The following FHIP1B variants were observed in gnomAD, a reference collection of about 807,000 sequenced individuals.
FHIP1B encodes the protein FHF complex subunit HOOK-interacting protein 1B.
Under a neutral mutation model 82.2 loss-of-function variants are expected in FHIP1B, and 28 were observed. That is an observed-to-expected ratio of 0.34 (90% CI 0.25 to 0.47). The LOEUF (loss-of-function observed/expected upper bound fraction) is 0.47. Ranked by LOEUF, FHIP1B falls within the 20% of genes least tolerant of loss-of-function variation. FHIP1B has a pLI of 1.00. For missense variants in FHIP1B, 1,110 were observed against 1,262.6 expected, an observed-to-expected ratio of 0.88 and a Z score of 1.83; for synonymous variants, 585 against 516.1, an observed-to-expected ratio of 1.13 and a Z score of -1.81.
chr11:6,223,577 C>T lies in FHIP1B; in HGVS notation c.777+33G>A. 6.5e-7 allele frequency: 1 copy of T among 1,550,212 alleles called. No homozygotes were observed. Among genetic ancestry groups the T allele is most frequent in the Non-Finnish European group, 8.7e-7 (1 of 1,148,918 alleles). On this transcript the variant is annotated intron_variant, in intron 3 of 11. Coordinates refer to ENST00000449352, the MANE Select transcript of FHIP1B (RefSeq NM_001098794.2). The surrounding 1 kb of genome is among the most constrained non-coding windows in gnomAD (Gnocchi z 4.8). The stretch of plus-strand genomic sequence containing the variant: ...AAGGTGCTGTTCAGTATCTACACAC[C>T]ACACCCTACCCTCCAAGCCAGGGGG...
intron 2 of FHIP1B, 56 bp downstream of exon 2, chr11:6,224,323 G>A (rs1316158977): frequency 2.4e-5 from 38 of 1,614,058 alleles, no homozygotes; most frequent in Non-Finnish European, 3.1e-5. Context: ...GAATATAGAA[G>A]GCTGGGAGAA....
At chr11:6,218,862 C>T in intron 7 of FHIP1B, 99 bp from the exon 8 acceptor site, 1 of 1,569,046 alleles carries the variant, frequency 6.4e-7, no homozygotes, top group Non-Finnish European at 8.8e-7. Context: ...TTAAGCCAGG[C>T]TCCAAGTGGA....
rs749535032 is a variant in FHIP1B, at chr11:6,218,650, C to T, written c.1385G>A (p.Arg462Gln). 2.9e-5 allele frequency: 46 copies of T among 1,613,978 alleles called. No individual in the cohort carries two copies. Among genetic ancestry groups the T allele is most frequent in the Non-Finnish European group, 3.7e-5 (44 of 1,180,024 alleles). The change falls in exon 8 of 12, where the codon CGG (arginine) becomes CAG (glutamine). Residue 462 changes from arginine to glutamine, a missense_variant. This residue lies in a region of FHIP1B where 418 missense variants were observed against 371.4 expected (regional missense o/e 1.13). Transcript: ENST00000449352. ...ACGAGGTGGGCTGGGGGCGTGGTGC[C>T]GACAACAGCGTGGGATTAGGGAGAG... ...KFLSLIPRCCRHHAPSPPRPE... is the reference protein window; with the variant it reads ...KFLSLIPRCCQHHAPSPPRPE...
chr11:6,212,837 T>C (rs1458443177), intron 11 of FHIP1B, among the ~76,000 whole-genome samples: 1 of 152,210 alleles, frequency 6.6e-6, no homozygotes, highest in Middle Eastern at 3.2e-3. Context: ...ACATCTATCA[T>C]CTTGGAACCC....
Position 6,224,450 on chromosome 11 carries a change from C to T in FHIP1B, c.67G>A (p.Ala23Thr), listed in dbSNP as rs199549976. The T allele has an allele frequency of 2.5e-6, 4 of 1,614,000 alleles. No homozygotes were observed. Among genetic ancestry groups the T allele is most frequent in the East Asian group, 4.5e-5 (2 of 44,854 alleles). ...RGPGHRIPQG[A>T]NLQTPVMADP... ...GCCATGACTGGGGTTTGGAGATTGG[C>T]CCCTTGAGGTATACGGTGCCCAGGG... The change falls in exon 2 of 12, where the codon GCC (alanine) becomes ACC (threonine). Residue 23 changes from alanine (A) to threonine (T), a missense_variant. Physicochemically the swap from Ala to Thr is moderately conservative, Grantham distance 58 (BLOSUM62 0). Coordinates refer to ENST00000449352, the MANE Select transcript of FHIP1B (RefSeq NM_001098794.2).
chr11:6,229,861 C>A (rs554801130), intron 1 of FHIP1B, among the ~76,000 whole-genome samples: 4 of 151,838 alleles, frequency 2.6e-5, no homozygotes, highest in African/African-American at 4.8e-5. Flanking sequence ...TAAAAGAAAG[C>A]TATAGTTTGG....
At position 6,217,674 on chromosome 11, in the gene FHIP1B, C is replaced by T. The variant is rs768987573; in HGVS notation, c.1912G>A (p.Val638Met). ...GHLPPPQLNG[V>M]PGSWPEGAKK... ...GCCCCCTCAGGCCATGATCCTGGCA[C>T]TCCATTGAGCTGGGGAGGGGGCAGG... Residue 638 changes from valine to methionine, a missense_variant, in exon 9 of 12, where the codon GTG (valine) becomes ATG (methionine). Physicochemically the swap from Val to Met is conservative, Grantham distance 21. Transcript: ENST00000449352. 1 of 1,613,874 alleles carries T rather than the reference C, an allele frequency of 6.2e-7. No homozygotes were observed. Among genetic ancestry groups the T allele is most frequent in the Admixed American group, 1.7e-5 (1 of 60,006 alleles).
At chr11:6,227,262 G>A (rs1009604452) in intron 1 of FHIP1B, among the ~76,000 whole-genome samples, 1 of 152,188 alleles carries the variant, frequency 6.6e-6, no homozygotes, top group African/African-American at 2.4e-5. Context: ...ACCCATTTAA[G>A]TATTATTATC....
In FHIP1B at chr11:6,222,849, C is replaced by T; in HGVS notation, c.985G>A (p.Gly329Arg). The T allele has an allele frequency of 1.2e-6, 2 of 1,614,130 alleles. No individual in the cohort carries two copies. The highest frequency in any genetic ancestry group is 1.7e-6 in the Non-Finnish European group (2 of 1,180,016). ...GGACCCATGACAGGCACCAGGAACC[C>T]ATTATGGATATAATCAACCAACTGC... Reference protein sequence around the residue: ...QKQLVDYIHNGFLVPVMGPAL... With the variant: ...QKQLVDYIHNRFLVPVMGPAL... The change falls in exon 5 of 12, where the codon GGG becomes AGG. Residue 329 changes from glycine (G) to arginine (R), a missense_variant. Around this residue, in one of 6 missense-constraint regions of FHIP1B, gnomAD observed 467 missense variants for 602.9 expected, o/e 0.77. Coordinates refer to ENST00000449352, the MANE Select transcript of FHIP1B (RefSeq NM_001098794.2).
In FHIP1B at chr11:6,222,941, A is replaced by G. The variant is rs372013154; in HGVS notation, c.937-44T>C. On this transcript the variant is annotated intron_variant, in intron 4 of 11. Coordinates refer to ENST00000449352, the MANE Select transcript of FHIP1B (RefSeq NM_001098794.2). Reference sequence around the variant, plus strand: ...GAAGGGGGAGGGTTATGAGGAGACCACTGCCTGGAAGGGAGTAGAATAGTA... The same window carrying G: ...GAAGGGGGAGGGTTATGAGGAGACCGCTGCCTGGAAGGGAGTAGAATAGTA... The G allele has an allele frequency of 2.3e-4, 365 of 1,600,054 alleles. 4 individuals are homozygous for G. In the South Asian group the frequency reaches 3.8e-3, roughly 17 times the overall value.
chr11:6,218,255 A>G, intron 8 of FHIP1B, 105 bp from the exon 9 acceptor site: 1 of 1,430,260 alleles, frequency 7.0e-7, no homozygotes, highest in South Asian at 1.5e-5. Flanking sequence ...AGGCAGAAAC[A>G]TGGAATCTAT....
intron 1 of FHIP1B, among the ~76,000 whole-genome samples, chr11:6,231,422 G>T (rs1847693970): frequency 1.3e-5 from 2 of 150,648 alleles, no homozygotes; most frequent in Non-Finnish European, 3.0e-5. Flanking sequence ...TACAGGGAAA[G>T]ATGACACTAG....
chr11:6,224,118 G>A lies in FHIP1B; in HGVS notation c.269C>T (p.Pro90Leu), dbSNP rs774658373. ...LAEDRAVPSA[P>L]TGPGPLLEFA... is the part of the protein sequence containing the mutation. ...CTCCAGCAGGGGCCCAGGGCCTGTG[G>A]GGGCCGAGGGAACTGCACGGTCCTC... Residue 90 changes from proline (P) to leucine (L), a missense_variant, in exon 3 of 12, where the codon CCC (proline) becomes CTC (leucine). Around this residue, in one of 6 missense-constraint regions of FHIP1B, gnomAD observed 467 missense variants for 602.9 expected, o/e 0.77. Coordinates refer to ENST00000449352, the MANE Select transcript of FHIP1B (RefSeq NM_001098794.2). 1.2e-6 allele frequency: 2 copies of A among 1,613,930 alleles called. No homozygotes were observed. The highest frequency in any genetic ancestry group is 4.5e-5 in the East Asian group (2 of 44,888).
chr11:6,226,913 C>A (rs956707972), intron 1 of FHIP1B, among the ~76,000 whole-genome samples: 1 of 152,120 alleles, frequency 6.6e-6, no homozygotes, highest in Non-Finnish European at 1.5e-5. Context: ...TTATAAGAAG[C>A]TGTTTCAATA....
At position 6,217,407 on chromosome 11, in the gene FHIP1B, G is replaced by A. The variant is rs141812318; in HGVS notation, c.2179C>T (p.Arg727Trp). Residue 727 changes from arginine (R) to tryptophan (W), a missense_variant, in exon 9 of 12, where the codon CGG becomes TGG. Around this residue, in one of 6 missense-constraint regions of FHIP1B, gnomAD observed 418 missense variants for 371.4 expected, o/e 1.13. Coordinates refer to ENST00000449352, the MANE Select transcript of FHIP1B (RefSeq NM_001098794.2). ...PPGPFLSSPL[R>W]TLNQLPSQPF... ...TGGCTTGGCAGCTGGTTGAGAGTCC[G>A]CAAAGGGCTGCTGAGGAAGGGGCCA... is the stretch of plus-strand genomic sequence containing the variant. 4.0e-4 allele frequency: 639 copies of A among 1,614,092 alleles called. 3 individuals are homozygous for A. Among genetic ancestry groups the A allele is most frequent in the South Asian group, 2.9e-3 (261 of 91,080 alleles).
chr11:6,227,271 T>G (rs1847587976), intron 1 of FHIP1B, among the ~76,000 whole-genome samples: 1 of 152,204 alleles, frequency 6.6e-6, no homozygotes, highest in South Asian at 2.1e-4. Flanking sequence ...AGTATTATTA[T>G]CCACATTTTA....
At chr11:6,212,570 C>T (rs1217190154) in intron 11 of FHIP1B, among the ~76,000 whole-genome samples, 2 of 152,232 alleles carry the variant, frequency 1.3e-5, no homozygotes, top group Admixed American at 1.3e-4. Flanking sequence ...AATTTCAAGT[C>T]AGCTTAGGCT....
At position 6,222,554 on chromosome 11, in the gene FHIP1B, C is replaced by T. The variant is rs1183714732; in HGVS notation, c.1079G>A (p.Ser360Asn). ...STAYLELFLR[S>N]ISEPALLRTF... ...ACGGAGCAAAGCAGGCTCTGAGATACTCCGTAGGAAAAGTTCCAGATAGGC... is the reference window on the plus strand; with the variant it reads ...ACGGAGCAAAGCAGGCTCTGAGATATTCCGTAGGAAAAGTTCCAGATAGGC... The change falls in exon 6 of 12, where the codon AGT becomes AAT. Residue 360 changes from serine to asparagine, a missense_variant. Coordinates refer to ENST00000449352, the MANE Select transcript of FHIP1B (RefSeq NM_001098794.2). The T allele has an allele frequency of 6.2e-7, 1 of 1,614,114 alleles. No homozygotes were observed. The highest frequency in any genetic ancestry group is 1.1e-5 in the South Asian group (1 of 91,076).
chr11:6,229,446 T>C (rs1443724162), intron 1 of FHIP1B, among the ~76,000 whole-genome samples: 3 of 152,218 alleles, frequency 2.0e-5, no homozygotes, highest in Non-Finnish European at 2.9e-5. Flanking sequence ...CAAGTGCCCA[T>C]ATCTCTGACT....
Sources: allele counts gnomAD v4.1 joint callset (sites outside exome capture counted in the v4.1 genomes callset), GRCh38; gene constraint gnomAD v4.1.1; regional missense constraint gnomAD v4.1.1; non-coding constraint Gnocchi (gnomAD v3.1); transcripts MANE v1.5; gene names NCBI Gene and HGNC (gene_info 2026-07-23, HGNC 2026-07-21).